SORCS2: variants seen among roughly 807,000 people sequenced by gnomAD.
SORCS2 encodes the protein VPS10 domain-containing receptor SorCS2.
Under a neutral mutation model 141.6 loss-of-function variants are expected in SORCS2, and 100 were observed. The ratio of observed to expected loss-of-function variants is 0.71; its 90% CI spans 0.60 to 0.83. The LOEUF (loss-of-function observed/expected upper bound fraction) is 0.83. Ranked by LOEUF, SORCS2 falls within the 40% of genes least tolerant of loss-of-function variation. The probability of loss-of-function intolerance (pLI) is 0.00; values close to 1 mark genes in which losing one functional copy is unlikely to be tolerated. For missense variants in SORCS2, 1,646 were observed against 1,560.2 expected (o/e 1.05, Z -0.93); for synonymous variants, 789 against 676.9 (o/e 1.17, Z -2.57).
At chr4:7,308,394 T>C (rs1489402706) in intron 1 of SORCS2, among the ~76,000 whole-genome samples, 2 of 152,160 alleles carry the variant, frequency 1.3e-5, no homozygotes, top group Admixed American at 1.3e-4. Context: ...GCTGGGGACT[T>C]TTCTGGCCTG....
chr4:7,391,462 G>C (rs1038181070), intron 1 of SORCS2, among the ~76,000 whole-genome samples: 1 of 152,212 alleles, frequency 6.6e-6, no homozygotes, highest in East Asian at 1.9e-4. Context: ...TATGAGCCCA[G>C]CACAGGGCTT....
chr4:7,710,616 G>T (rs966158075), intron 14 of SORCS2, among the ~76,000 whole-genome samples: 3 of 152,196 alleles, frequency 2.0e-5, no homozygotes, highest in Admixed American at 2.0e-4. Context: ...TTGAGTTGGG[G>T]CTCTCCAATG....
At chr4:7,386,236 A>G (rs570700234) in intron 1 of SORCS2, among the ~76,000 whole-genome samples, 1 of 62,538 alleles carries the variant, frequency 1.6e-5, no homozygotes, top group South Asian at 8.3e-4. Context: ...CACCATACAC[A>G]TGCACACGTG....
chr4:7,711,858 C>T (rs937815115), intron 14 of SORCS2, among the ~76,000 whole-genome samples: 4 of 152,200 alleles, frequency 2.6e-5, no homozygotes, highest in African/African-American at 9.6e-5. Flanking sequence ...TGCCTCCCCA[C>T]CTCCAAGAAG....
intron 2 of SORCS2, among the ~76,000 whole-genome samples, chr4:7,528,524 C>G (rs1733839990): frequency 6.6e-6 from 1 of 152,096 alleles, no homozygotes; most frequent in South Asian, 2.1e-4. Flanking sequence ...CTCCTGGGTT[C>G]AAGAGATTCT....
chr4:7,363,503 C>G (rs1292234243), intron 1 of SORCS2, among the ~76,000 whole-genome samples: 1 of 122,738 alleles, frequency 8.1e-6, no homozygotes, highest in African/African-American at 3.4e-5. Context: ...TCACCATCAT[C>G]ATCACCATCA....
chr4:7,324,337 C>T (rs974319899), intron 1 of SORCS2, among the ~76,000 whole-genome samples: 8 of 152,184 alleles, frequency 5.3e-5, no homozygotes, highest in Admixed American at 1.3e-4. Context: ...ATTTGGAGTG[C>T]CAGAGCCTCT....
intron 1 of SORCS2, among the ~76,000 whole-genome samples, chr4:7,392,982 T>C (rs28494931): frequency 0.016 from 2,363 of 151,936 alleles, 60 homozygotes; most frequent in African/African-American, 0.054. Context: ...CCCAGCACCC[T>C]GGCTCCCTGG....
At chr4:7,673,268 T>C (rs1478299340) in intron 8 of SORCS2, among the ~76,000 whole-genome samples, 3 of 152,236 alleles carry the variant, frequency 2.0e-5, no homozygotes, top group African/African-American at 7.2e-5. Context: ...TAACAGCAGA[T>C]AACAAGAGCT....
At chr4:7,353,536 T>C (rs1000144056) in intron 1 of SORCS2, among the ~76,000 whole-genome samples, 1 of 152,202 alleles carries the variant, frequency 6.6e-6, no homozygotes, top group Non-Finnish European at 1.5e-5. Context: ...TGGCACTTAG[T>C]AGATGCTCAG....
At chr4:7,299,056 C>T (rs554060692) in intron 1 of SORCS2, among the ~76,000 whole-genome samples, 1 of 152,358 alleles carries the variant, frequency 6.6e-6, no homozygotes, top group East Asian at 1.9e-4. Flanking sequence ...CTCTTGGGTC[C>T]CCCAGCTCCC....
At chr4:7,733,139 C>T (rs1461544968) in intron 23 of SORCS2, among the ~76,000 whole-genome samples, 183 bp from the exon 24 acceptor site, 2 of 149,814 alleles carry the variant, frequency 1.3e-5, no homozygotes, top group South Asian at 2.2e-4. Flanking sequence ...CCTCCCCTTT[C>T]ACCTGTAGCA....
intron 1 of SORCS2, among the ~76,000 whole-genome samples, chr4:7,351,031 T>C (rs1460286461): frequency 6.6e-6 from 1 of 152,136 alleles, no homozygotes; most frequent in Non-Finnish European, 1.5e-5. Flanking sequence ...AGGCTGCCCA[T>C]ATTGTCCCAC....
chr4:7,632,591 T>TCGCCTC (rs1374938256), intron 3 of SORCS2, among the ~76,000 whole-genome samples: 1 of 152,146 alleles, frequency 6.6e-6, no homozygotes, highest in African/African-American at 2.4e-5. Flanking sequence ...TTTTCTCCTC[T>TCGCCTC]CGCCTCCGTG....
chr4:7,564,748 A>G (rs1714844123), intron 3 of SORCS2, among the ~76,000 whole-genome samples: 1 of 152,246 alleles, frequency 6.6e-6, no homozygotes, highest in South Asian at 2.1e-4. Flanking sequence ...CAAAAGCTCT[A>G]CAGAAGACAG....
chr4:7,322,693 A>G (rs1005393551), intron 1 of SORCS2, among the ~76,000 whole-genome samples: 2 of 152,228 alleles, frequency 1.3e-5, no homozygotes, highest in Non-Finnish European at 2.9e-5. Flanking sequence ...CCTGGGCTGC[A>G]CACACTCCGT....
intron 1 of SORCS2, among the ~76,000 whole-genome samples, chr4:7,394,423 G>A (rs1724070206): frequency 6.7e-6 from 1 of 149,014 alleles, no homozygotes; most frequent in Non-Finnish European, 1.5e-5. Flanking sequence ...GGTGTATGGA[G>A]GGGGCATTGA....
intron 1 of SORCS2, among the ~76,000 whole-genome samples, chr4:7,345,696 T>C (rs549288293): frequency 6.6e-6 from 1 of 152,322 alleles, no homozygotes; most frequent in South Asian, 2.1e-4. Flanking sequence ...AATCTTCCAG[T>C]GATGGCTTAA....
chr4:7,334,896 A>G (rs1043274795), intron 1 of SORCS2, among the ~76,000 whole-genome samples: 3 of 152,112 alleles, frequency 2.0e-5, no homozygotes, highest in Non-Finnish European at 4.4e-5. Context: ...AGCGAGTGTC[A>G]GTATCAGGCA....
Sources: allele counts gnomAD v4.1 joint callset (sites outside exome capture counted in the v4.1 genomes callset), GRCh38; gene constraint gnomAD v4.1.1; transcripts MANE v1.5; gene names NCBI Gene and HGNC (gene_info 2026-07-23, HGNC 2026-07-21).